Variants in TOX observed in about 807,000 individuals in gnomAD.
TOX encodes thymocyte selection associated high mobility group box.
TOX carries 11 observed loss-of-function variants against 53.7 expected under a neutral mutation model. That is an observed-to-expected ratio of 0.20 (90% CI 0.13 to 0.34). The LOEUF is 0.34. Ranked by LOEUF, TOX falls within the 10% of genes least tolerant of loss-of-function variation. The pLI, the probability that TOX is intolerant of heterozygous loss-of-function variation, is 1.00. For synonymous variants in TOX, 225 were observed against 245.3 expected (o/e 0.92, Z 0.77); for missense variants, 570 against 664.6 (o/e 0.86, Z 1.56).
chr8:58,829,621 G>A (rs1810420285), intron 5 of TOX, among the ~76,000 whole-genome samples: 1 of 152,132 alleles, frequency 6.6e-6, no homozygotes, highest in African/African-American at 2.4e-5. Flanking sequence ...CTCCTCAACA[G>A]TAATTAGCAC....
At chr8:59,087,159 GAAAGAC>G (rs1295752815) in intron 1 of TOX, among the ~76,000 whole-genome samples, 1 of 152,120 alleles carries the variant, frequency 6.6e-6, no homozygotes, top group African/African-American at 2.4e-5. Flanking sequence ...TATCTAAACT[GAAAGAC>G]CTTTTCTCTA....
At chr8:59,009,588 GTC>G (rs1158276015) in intron 1 of TOX, among the ~76,000 whole-genome samples, 1 of 152,018 alleles carries the variant, frequency 6.6e-6, no homozygotes, top group East Asian at 1.9e-4. Context: ...GGCCAGGCTG[GTC>G]TCGAACTCCT....
chr8:58,978,069 T>A (rs930922745), intron 1 of TOX, among the ~76,000 whole-genome samples: 6 of 152,098 alleles, frequency 3.9e-5, no homozygotes, highest in African/African-American at 1.4e-4. Context: ...TGCAATAAAA[T>A]GGGGGTATGT....
rs536659044 is a variant in TOX at position 58,926,462 on chromosome 8, A to G, written c.411+12840T>C. ...GAAGAAAAGTTGGCTGAGTTTATTT[A>G]CCACTCTATGTTAATTTCTTTGGCT... On this transcript the variant is annotated intron_variant, in intron 3 of 8. Transcript: ENST00000361421. 5.3e-5 allele frequency among the ~76,000 whole-genome samples: 8 copies of G among 152,204 alleles called. No individual in the cohort carries two copies. The South Asian group carries it at 1.7e-3, about 32-fold the overall frequency.
intron 1 of TOX, among the ~76,000 whole-genome samples, chr8:59,012,633 T>C (rs11783223): frequency 0.048 from 7,294 of 152,302 alleles, 236 homozygotes; most frequent in South Asian, 0.099. Flanking sequence ...TAACTAATGG[T>C]ATAAAAACTA....
chr8:59,052,207 T>A (rs925972345), intron 1 of TOX, among the ~76,000 whole-genome samples: 20 of 152,232 alleles, frequency 1.3e-4, no homozygotes, highest in African/African-American at 4.1e-4. Context: ...AGTATCATTA[T>A]AACATTATTT....
At chr8:58,831,316 T>C (rs1298401300) in intron 5 of TOX, among the ~76,000 whole-genome samples, 1 of 152,156 alleles carries the variant, frequency 6.6e-6, no homozygotes, top group Non-Finnish European at 1.5e-5. Flanking sequence ...ACCAATCTAT[T>C]GAGTGCCCAG....
At chr8:59,046,718 C>T (rs1486322314) in intron 1 of TOX, among the ~76,000 whole-genome samples, 3 of 151,834 alleles carry the variant, frequency 2.0e-5, no homozygotes, top group East Asian at 1.9e-4. Context: ...ATTAGCTGGG[C>T]GTGGTGGCAC....
chr8:58,939,269 GC>G lies in TOX; in HGVS notation c.411+32del, dbSNP rs763318814. 4 of 1,611,420 alleles carry G rather than the reference GC, an allele frequency of 2.5e-6. No individual in the cohort carries two copies. The South Asian group carries it at 4.4e-5, about 18-fold the overall frequency. Reference sequence around the variant, plus strand: ...GTCCTTGTCCTTATGGTATCCCTCAGCCCCCACCACAAACAGGTAAGCAGAT... The same window carrying G: ...GTCCTTGTCCTTATGGTATCCCTCAGCCCCACCACAAACAGGTAAGCAGAT... On this transcript the variant is annotated intron_variant, in intron 3 of 8. Transcript: ENST00000361421.
intron 1 of TOX, among the ~76,000 whole-genome samples, chr8:59,088,189 A>G (rs926046969): frequency 2.2e-4 from 33 of 152,330 alleles, no homozygotes; most frequent in African/African-American, 7.5e-4. Context: ...GCCTATGGCT[A>G]TATCTTAATT....
intron 1 of TOX, among the ~76,000 whole-genome samples, chr8:59,114,166 T>C (rs1220012156): frequency 6.6e-6 from 1 of 152,204 alleles, no homozygotes; most frequent in Non-Finnish European, 1.5e-5. Context: ...TCCACAATAA[T>C]CATTCAATTA....
intron 3 of TOX, among the ~76,000 whole-genome samples, chr8:58,928,425 C>T (rs1812200331): frequency 1.3e-5 from 2 of 152,212 alleles, no homozygotes; most frequent in Non-Finnish European, 2.9e-5. Flanking sequence ...ATGGCTTCAC[C>T]TTGGTGCAGC....
At chr8:58,883,930 A>G (rs558791866) in intron 3 of TOX, among the ~76,000 whole-genome samples, 1 of 152,142 alleles carries the variant, frequency 6.6e-6, no homozygotes, top group African/African-American at 2.4e-5. Flanking sequence ...CAAGAGTGCA[A>G]AGGTTGTGGT....
intron 3 of TOX, among the ~76,000 whole-genome samples, chr8:58,861,992 C>T (rs1247996044): frequency 1.3e-5 from 2 of 152,142 alleles, no homozygotes; most frequent in Non-Finnish European, 2.9e-5. Flanking sequence ...AGCCAGACAG[C>T]TTCCCTGTGC....
At chr8:59,078,568 G>A (rs1804335139) in intron 1 of TOX, among the ~76,000 whole-genome samples, 2 of 152,222 alleles carry the variant, frequency 1.3e-5, no homozygotes, top group South Asian at 4.1e-4. Flanking sequence ...AAGCTAAGCA[G>A]ATGCCAGCAC....
In TOX at chr8:58,806,803, T is replaced by C. The variant is rs1809983659; in HGVS notation, c.*944A>G. The C allele has an allele frequency of 6.6e-6, 1 of 152,608 alleles. No individual in the cohort carries two copies. Among genetic ancestry groups the C allele is most frequent in the South Asian group, 2.1e-4 (1 of 4,828 alleles). The allele number at this position is 152,608 out of a possible 1,614,324, so 9.5% of individuals were successfully genotyped here. On this transcript the variant is annotated 3_prime_UTR_variant, in exon 9 of 9. Transcript: ENST00000361421. ...ACAAATTTACTTACAAACACCTATA[T>C]TTATTATTTCATAAATAGGCGCAAC...
chr8:58,941,778 C>T (rs538411465), intron 2 of TOX, among the ~76,000 whole-genome samples: 24 of 152,072 alleles, frequency 1.6e-4, no homozygotes, highest in Admixed American at 7.2e-4. Flanking sequence ...CCTGGCGGGG[C>T]GCGGTGGCTC....
chr8:58,998,526 T>TAAA (rs1329247700), intron 1 of TOX, among the ~76,000 whole-genome samples: 183 of 14,630 alleles, frequency 0.013, no homozygotes, highest in African/African-American at 0.018. Context: ...TATATATATA[T>TAAA]ATATATATAT....
At chr8:58,986,255 G>C (rs1813325830) in intron 1 of TOX, among the ~76,000 whole-genome samples, 1 of 152,172 alleles carries the variant, frequency 6.6e-6, no homozygotes, top group African/African-American at 2.4e-5. Context: ...AGGGTACTTA[G>C]AGCTGAGTGC....
Sources: gnomAD v4.1 joint callset for allele counts (sites outside exome capture counted in the v4.1 genomes callset) on GRCh38, gnomAD v4.1.1 for gene constraint, MANE v1.5 for transcripts, NCBI Gene and HGNC (gene_info 2026-07-23, HGNC 2026-07-21) for gene names.